LPIN2: variants seen among roughly 807,000 people sequenced by gnomAD.
LPIN2 encodes the protein phosphatidate phosphatase LPIN2.
In LPIN2, 55 loss-of-function variants were observed where a neutral mutation model predicts 111.4. The ratio of observed to expected loss-of-function variants is 0.49; its 90% CI spans 0.40 to 0.62. The LOEUF (loss-of-function observed/expected upper bound fraction) is 0.62. Ranked by LOEUF, LPIN2 falls within the 20% of genes least tolerant of loss-of-function variation. The probability of loss-of-function intolerance (pLI) is 0.00; values close to 1 mark genes in which losing one functional copy is unlikely to be tolerated. For synonymous variants in LPIN2, 425 were observed against 414.0 expected, an observed-to-expected ratio of 1.03 and a Z score of -0.32; for missense variants, 992 against 1,112.1, an observed-to-expected ratio of 0.89 and a Z score of 1.54.
rs553605811 is a variant in LPIN2 at position 2,923,872 on chromosome 18, G to A, written c.2088-11C>T. The A allele has an allele frequency of 1.8e-4, 291 of 1,609,670 alleles. 1 individual carries two copies. In the South Asian group the frequency reaches 2.5e-3, roughly 14 times the overall value. Reference sequence around the variant, plus strand: ...CCCAAAGCATCCGACCTAAGAAGACGGTAGAAACAGGAAAAGCTATCAGGA... The same window carrying A: ...CCCAAAGCATCCGACCTAAGAAGACAGTAGAAACAGGAAAAGCTATCAGGA... On this transcript the variant is annotated splice_polypyrimidine_tract_variant and intron_variant, in intron 15 of 19. Coordinates refer to ENST00000677752, the MANE Select transcript of LPIN2 (RefSeq NM_001375808.2).
chr18:2,988,012 CAAAA>C (rs761121515), intron 1 of LPIN2, among the ~76,000 whole-genome samples: 8 of 32,342 alleles, frequency 2.5e-4, no homozygotes, highest in South Asian at 1.4e-3. Flanking sequence ...GAGACTGTCT[CAAAA>C]AAAAAAAAAA....
At chr18:2,934,302 TAACTA>T in intron 8 of LPIN2, 44 bp downstream of exon 8, 1 of 1,283,550 alleles carries the variant, frequency 7.8e-7, no homozygotes, top group South Asian at 1.2e-5. Flanking sequence ...ACTCTAGAAA[TAACTA>T]GACTATTTCA....
chr18:3,003,583 T>C (rs2078465865), intron 1 of LPIN2, among the ~76,000 whole-genome samples: 2 of 152,248 alleles, frequency 1.3e-5, no homozygotes, highest in Admixed American at 1.3e-4. Flanking sequence ...TGAACATAAA[T>C]TGTGAAGATT....
chr18:2,960,723 C>A lies in LPIN2; in HGVS notation c.118G>T (p.Asp40Tyr). Residue 40 changes from aspartate (D) to tyrosine (Y), a missense_variant, in exon 2 of 20, where the codon GAT becomes TAT. Physicochemically the swap from Asp to Tyr is radical, Grantham distance 160. This residue lies in a region of LPIN2 where 67 missense variants were observed against 112.1 expected (regional missense o/e 0.60). Coordinates refer to ENST00000677752, the MANE Select transcript of LPIN2 (RefSeq NM_001375808.2). Reference sequence around the variant, plus strand: ...AAAGGTGAACACTGATAGCTGCCATCCTGCTGCTGTACCACGATGACATCA... The same window carrying A: ...AAAGGTGAACACTGATAGCTGCCATACTGCTGCTGTACCACGATGACATCA... ...CIDVIVVQQQ[D>Y]GSYQCSPFHV... 6.2e-7 allele frequency: 1 copy of A among 1,614,112 alleles called. No homozygotes were observed. The highest frequency in any genetic ancestry group is 8.5e-7 in the Non-Finnish European group (1 of 1,180,012).
chr18:2,931,511 G>C (rs570445082), intron 8 of LPIN2, 68 bp from the exon 9 acceptor site: 7 of 1,469,788 alleles, frequency 4.8e-6, no homozygotes, highest in Non-Finnish European at 6.4e-6. Context: ...TTACTGCATG[G>C]TTCTCTGGGG....
rs375646718 is a variant in LPIN2 at position 2,940,624 on chromosome 18, C to T, written c.679G>A (p.Asp227Asn). 1 of 1,610,722 alleles carries T rather than the reference C, an allele frequency of 6.2e-7. No homozygotes were observed. Among genetic ancestry groups the T allele is most frequent in the Non-Finnish European group, 8.5e-7 (1 of 1,177,230 alleles). Reference protein sequence around the residue: ...SGDHYPLSDGDWSPLETTYPQ... With the variant: ...SGDHYPLSDGNWSPLETTYPQ... ...ACTTACGTCTCTAAAGGGGACCAAT[C>T]TCCATCAGATAAGGGGTAATGATCC... The change falls in exon 5 of 20, where the codon GAT becomes AAT. Residue 227 changes from aspartate (D) to asparagine (N), a missense_variant. Coordinates refer to ENST00000677752, the MANE Select transcript of LPIN2 (RefSeq NM_001375808.2).
At chr18:2,998,882 T>A (rs1227793728) in intron 1 of LPIN2, among the ~76,000 whole-genome samples, 1 of 152,202 alleles carries the variant, frequency 6.6e-6, no homozygotes, top group Non-Finnish European at 1.5e-5. Flanking sequence ...CAAATGACTT[T>A]AGAAACAAAC....
At chr18:2,924,358 G>A (rs1303266639) in intron 15 of LPIN2, 40 bp downstream of exon 15, 14 of 1,613,168 alleles carry the variant, frequency 8.7e-6, no homozygotes, top group South Asian at 7.7e-5. Context: ...CCCTGAGCAC[G>A]GGGCTGTTCC....
At chr18:2,927,217 G>C (rs2077146471) in intron 12 of LPIN2, among the ~76,000 whole-genome samples, 1 of 152,154 alleles carries the variant, frequency 6.6e-6, no homozygotes, top group Non-Finnish European at 1.5e-5. Flanking sequence ...TGAAAAACAG[G>C]TGAGAACTCC....
chr18:2,990,758 TG>T (rs1312121853), intron 1 of LPIN2: 3 of 349,204 alleles, frequency 8.6e-6, no homozygotes, highest in Non-Finnish European at 1.7e-5. Flanking sequence ...TAGAAATGGA[TG>T]GAAGAACAGG....
chr18:2,939,089 A>T (rs2077332993), intron 6 of LPIN2, among the ~76,000 whole-genome samples: 1 of 152,210 alleles, frequency 6.6e-6, no homozygotes, highest in Non-Finnish European at 1.5e-5. Context: ...TGAGCACAGG[A>T]GGTTAAGGCT....
Position 2,931,497 on chromosome 18 carries a change from T to C in LPIN2, c.1269-54A>G, listed in dbSNP as rs2144163087. ...GCTTTATTACAACTCCTTGAATTCC[T>C]AGTTTACTGCATGGTTCTCTGGGGG... is the stretch of plus-strand genomic sequence containing the variant. On this transcript the variant is annotated intron_variant, in intron 8 of 19. Transcript: ENST00000677752. The C allele has an allele frequency of 2.0e-6, 3 of 1,513,188 alleles. 1 individual carries two copies. Among genetic ancestry groups the C allele is most frequent in the South Asian group, 2.4e-5 (2 of 83,388 alleles). The allele number at this position is 1,513,188 out of a possible 1,614,324, so 93.7% of individuals were successfully genotyped here.
chr18:2,946,636 T>C, intron 4 of LPIN2: 1 of 677,530 alleles, frequency 1.5e-6, no homozygotes, highest in Admixed American at 2.7e-5. Context: ...ATACCTCAGT[T>C]TTTTAAAGTG....
rs1384569316 is a variant in LPIN2, at chr18:2,951,376, GAA to G, written c.289-22_289-21del. On this transcript the variant is annotated intron_variant, in intron 3 of 19. Transcript: ENST00000677752. ...CTTTTCCTTGAGGAGAATGGAGAAA[GAA>G]AAGTTATCCATGACAAACTCGACAG... 2 of 1,604,414 alleles carry G rather than the reference GAA, an allele frequency of 1.2e-6. No individual in the cohort carries two copies. The highest frequency in any genetic ancestry group is 2.2e-5 in the South Asian group (2 of 90,800).
At chr18:2,972,599 G>A (rs1262670232) in intron 1 of LPIN2, among the ~76,000 whole-genome samples, 2 of 152,156 alleles carry the variant, frequency 1.3e-5, no homozygotes, top group African/African-American at 4.8e-5. Context: ...CTGGTACAGA[G>A]CAAGAAAAAC....
At position 2,917,895 on chromosome 18, in the gene LPIN2, A is replaced by AAGAT. The variant is rs2076993208; in HGVS notation, c.*2394_*2397dup. 6.6e-6 allele frequency: 1 copy of AAGAT among 152,224 alleles called. No homozygotes were observed. The highest frequency in any genetic ancestry group is 2.1e-4 in the South Asian group (1 of 4,836). 9.4% of individuals were successfully genotyped at this position (152,224 alleles called of 1,614,324 possible). A position where few individuals can be genotyped will look rare whatever the true frequency, so the allele number is the denominator to read the frequency against. On this transcript the variant is annotated 3_prime_UTR_variant, in exon 20 of 20. Coordinates refer to ENST00000677752, the MANE Select transcript of LPIN2 (RefSeq NM_001375808.2). ...CTCCCTGAGCCGTCACCCGTCACTGAAGATAGCGCGAGGGTGATGCTTCAA... is the reference window on the plus strand; with the variant it reads ...CTCCCTGAGCCGTCACCCGTCACTGAAGATAGATAGCGCGAGGGTGATGCTTCAA...
At chr18:2,980,268 CA>C (rs2078088196) in intron 1 of LPIN2, among the ~76,000 whole-genome samples, 1 of 152,172 alleles carries the variant, frequency 6.6e-6, no homozygotes, top group African/African-American at 2.4e-5. Context: ...AATTATGAGA[CA>C]GGCATAGCAA....
chr18:3,007,166 A>AG (rs2078528993), intron 1 of LPIN2, among the ~76,000 whole-genome samples: 1 of 151,984 alleles, frequency 6.6e-6, no homozygotes, highest in African/African-American at 2.4e-5. Context: ...TTAGTTAGTT[A>AG]TTTATTTTTA....
At chr18:2,960,470 A>C (rs1598571466) in intron 2 of LPIN2, 179 bp downstream of exon 2, 1 of 661,868 alleles carries the variant, frequency 1.5e-6, no homozygotes, top group East Asian at 2.7e-5. Flanking sequence ...AAAGCAATAC[A>C]TAAAGGTTGA....
Sources: allele counts gnomAD v4.1 joint callset (sites outside exome capture counted in the v4.1 genomes callset), GRCh38; gene constraint gnomAD v4.1.1; regional missense constraint gnomAD v4.1.1; transcripts MANE v1.5; gene names NCBI Gene and HGNC (gene_info 2026-07-23, HGNC 2026-07-21).